NDE1: variants seen among roughly 807,000 people sequenced by gnomAD.
The protein encoded by NDE1 is nuclear distribution protein nudE homolog 1.
Under a neutral mutation model 43.4 loss-of-function variants are expected in NDE1, and 28 were observed. The ratio of observed to expected loss-of-function variants is 0.65; its 90% CI spans 0.48 to 0.89. The LOEUF (loss-of-function observed/expected upper bound fraction) is 0.89, where lower values mean the gene tolerates loss of function less well. Among genes scored for constraint, NDE1 ranks in the 40% least tolerant of loss-of-function variants. The pLI is 0.00. For synonymous variants in NDE1, 184 were observed against 172.0 expected, an observed-to-expected ratio of 1.07 and a Z score of -0.55; for missense variants, 441 against 434.1, an observed-to-expected ratio of 1.02 and a Z score of -0.14.
Position 15,675,145 on chromosome 16 carries a change from G to GA in NDE1, c.238-2656_238-2655insA, listed in dbSNP as rs1407244548. Among the ~76,000 whole-genome samples the GA allele has an allele frequency of 4.6e-5, 7 of 152,024 alleles. No homozygotes were observed. The South Asian group carries it at 8.3e-4, about 18-fold the overall frequency. On this transcript the variant is annotated intron_variant, in intron 3 of 8. Coordinates refer to ENST00000396354, the MANE Select transcript of NDE1 (RefSeq NM_017668.3). ...GTGCTCAAGGGGCAGGAGGTGGGAG[G>GA]CACTTAGGACATAATTGAAACAGTT... is the stretch of plus-strand genomic sequence containing the variant.
intron 3 of NDE1, among the ~76,000 whole-genome samples, 169 bp downstream of exon 3, chr16:15,667,608 C>A (rs57306405): frequency 6.7e-6 from 1 of 148,178 alleles, no homozygotes. Context: ...CTTTGTGCCT[C>A]TAGTGGGTGG....
At chr16:15,721,671 T>A in intron 8 of NDE1, 1 of 1,609,304 alleles carries the variant, frequency 6.2e-7, no homozygotes, top group Non-Finnish European at 8.5e-7. Context: ...TCTAGGCATA[T>A]CCGGGGTCAG....
intron 2 of NDE1, 48 bp downstream of exon 2, chr16:15,664,909 G>A: frequency 7.4e-7 from 1 of 1,357,724 alleles, no homozygotes; most frequent in Non-Finnish European, 1.0e-6. Flanking sequence ...TTTTTGAGAT[G>A]GGGTCCTGCT....
At chr16:15,648,972 G>A (rs1238083592), upstream of NDE1, among the ~76,000 whole-genome samples, 1 of 151,948 alleles carries the variant, frequency 6.6e-6, no homozygotes, top group Non-Finnish European at 1.5e-5. Context: ...GAGGTGGGTG[G>A]ATCACCTGAG....
intron 7 of NDE1, among the ~76,000 whole-genome samples, chr16:15,696,407 G>A (rs1374805471): frequency 2.0e-5 from 3 of 151,814 alleles, no homozygotes; most frequent in African/African-American, 7.3e-5. Flanking sequence ...ACTGAGATGG[G>A]ATCTTACTTT....
In NDE1 at chr16:15,691,309, G is replaced by A; in HGVS notation, c.689G>A (p.Gly230Glu). Residue 230 changes from glycine to glutamate, a missense_variant, in exon 6 of 9, where the codon GGG (glycine) becomes GAG (glutamate). Transcript: ENST00000396354. The part of the protein sequence containing the change: ...RGPSSSLNTP[G>E]SFRRGLDDST... ...CCCAGCTCAAGTTTAAACACACCTGGGAGCTTCAGACGTGGTAAGGGGAGT... is the reference window on the plus strand; with the variant it reads ...CCCAGCTCAAGTTTAAACACACCTGAGAGCTTCAGACGTGGTAAGGGGAGT... 6.2e-7 allele frequency: 1 copy of A among 1,614,092 alleles called. No homozygotes were observed. Among genetic ancestry groups the A allele is most frequent in the South Asian group, 1.1e-5 (1 of 91,068 alleles).
intron 1 of NDE1, among the ~76,000 whole-genome samples, chr16:15,661,575 AGCTG>A (rs1339997752): frequency 2.0e-5 from 3 of 151,468 alleles, no homozygotes; most frequent in African/African-American, 7.3e-5. Context: ...CCTCTCGAGT[AGCTG>A]GAACTACAGA....
chr16:15,715,607 T>C (rs1326824554), intron 8 of NDE1, among the ~76,000 whole-genome samples: 1 of 152,152 alleles, frequency 6.6e-6, no homozygotes, highest in Admixed American at 6.6e-5. Context: ...AGGGAGTGGT[T>C]ACAGGGCATG....
intron 4 of NDE1, chr16:15,683,358 T>C (rs549403776): frequency 6.6e-6 from 1 of 152,224 alleles, no homozygotes; most frequent in Non-Finnish European, 1.5e-5. Context: ...TTTTGTTTGT[T>C]TTTAAGACAG....
intron 4 of NDE1, among the ~76,000 whole-genome samples, chr16:15,679,940 G>C (rs956986758): frequency 2.0e-5 from 3 of 152,108 alleles, no homozygotes; most frequent in East Asian, 1.9e-4. Flanking sequence ...TACCACACCC[G>C]GCTAATTTTT....
Position 15,721,593 on chromosome 16 carries a change from A to T in NDE1, c.948-2598A>T, listed in dbSNP as rs901607947. 6.2e-7 allele frequency: 1 copy of T among 1,614,068 alleles called. No individual in the cohort carries two copies. Among genetic ancestry groups the T allele is most frequent in the Non-Finnish European group, 8.5e-7 (1 of 1,180,010 alleles). ...CTTCTGCCTCAGCTCTGTCCCTCTC[A>T]TCCGCGTATTTGGAAGAGATGTTTT... is the stretch of plus-strand genomic sequence containing the variant. On this transcript the variant is annotated intron_variant, in intron 8 of 8. Coordinates refer to ENST00000396354, the MANE Select transcript of NDE1 (RefSeq NM_017668.3).
chr16:15,653,175 T>G (rs1235484455), intron 1 of NDE1, among the ~76,000 whole-genome samples: 1 of 152,170 alleles, frequency 6.6e-6, no homozygotes, highest in East Asian at 1.9e-4. Flanking sequence ...TTCTTCCATA[T>G]TAGTACTTAC....
intron 8 of NDE1, among the ~76,000 whole-genome samples, chr16:15,705,482 C>T (rs1488457992): frequency 6.6e-6 from 1 of 152,204 alleles, no homozygotes; most frequent in East Asian, 1.9e-4. Flanking sequence ...CCAGCCTTCA[C>T]CGTTCAGAAG....
At chr16:15,722,197 T>G (rs985769546) in intron 8 of NDE1, among the ~76,000 whole-genome samples, 1 of 152,142 alleles carries the variant, frequency 6.6e-6, no homozygotes. Context: ...CTGCCCACGT[T>G]GCTTAGAGCA....
rs530535158 is a variant in NDE1, at chr16:15,720,234, C to T, written c.948-3957C>T. ...TGAAGCTCCAGGTCTTTCAGGTCCC[C>T]TTCCAGCTTCTTCTTTGCTGCAGCT... On this transcript the variant is annotated intron_variant, in intron 8 of 8. Coordinates refer to ENST00000396354, the MANE Select transcript of NDE1 (RefSeq NM_017668.3). 3 of 1,614,160 alleles carry T rather than the reference C, an allele frequency of 1.9e-6. No homozygotes were observed. The highest frequency in any genetic ancestry group is 2.2e-5 in the East Asian group (1 of 44,876).
At position 15,724,476 on chromosome 16, in the gene NDE1, A is replaced by G. The variant is rs2040646871; in HGVS notation, c.*225A>G. The G allele has an allele frequency of 6.2e-7, 1 of 1,609,920 alleles. No individual in the cohort carries two copies. ...GAGTGGCCCCTGTCCCTGGCCCCAC[A>G]GACTCTGAGAAGCGAAGACCATGTC... is the stretch of plus-strand genomic sequence containing the variant. On this transcript the variant is annotated 3_prime_UTR_variant, in exon 9 of 9. Transcript: ENST00000396354.
At chr16:15,654,733 A>G (rs2036677291) in intron 1 of NDE1, among the ~76,000 whole-genome samples, 1 of 148,550 alleles carries the variant, frequency 6.7e-6, no homozygotes, top group Non-Finnish European at 1.5e-5. Context: ...TTGAACTTGG[A>G]TCTAGTTTGC....
At chr16:15,721,278 C>G in intron 8 of NDE1, 1 of 1,062,230 alleles carries the variant, frequency 9.4e-7, no homozygotes, top group Non-Finnish European at 1.4e-6. Flanking sequence ...CTCCCAGCCC[C>G]TGCACCAGTC....
intron 1 of NDE1, chr16:15,652,145 A>C (rs1462243481): frequency 6.6e-6 from 1 of 151,080 alleles, no homozygotes; most frequent in African/African-American, 2.4e-5. Flanking sequence ...TGATCTGCCC[A>C]CCTCAGCCTC....
Sources: allele counts gnomAD v4.1 joint callset (sites outside exome capture counted in the v4.1 genomes callset), GRCh38; gene constraint gnomAD v4.1.1; transcripts MANE v1.5; gene names NCBI Gene and HGNC (gene_info 2026-07-23, HGNC 2026-07-21).